MACROD2: variants seen among roughly 807,000 people sequenced by gnomAD.
MACROD2 encodes ADP-ribose glycohydrolase MACROD2.
MACROD2 carries 36 observed loss-of-function variants against 70.4 expected under a neutral mutation model. The ratio of observed to expected loss-of-function variants is 0.51; its 90% confidence interval spans 0.39 to 0.68. The LOEUF is 0.68. MACROD2 is among the 30% of genes least tolerant of loss of function. The probability of loss-of-function intolerance (pLI) is 0.00; values close to 1 mark genes in which losing one functional copy is unlikely to be tolerated. For synonymous variants in MACROD2, 172 were observed against 178.8 expected (o/e 0.96, Z 0.30); for missense variants, 496 against 538.4 (o/e 0.92, Z 0.78).
chr20:15,537,901 A>T (rs2047898730), intron 8 of MACROD2, among the ~76,000 whole-genome samples: 1 of 152,130 alleles, frequency 6.6e-6, no homozygotes, highest in Non-Finnish European at 1.5e-5. Flanking sequence ...TAGAGTAATT[A>T]TTTGATTAAT....
intron 5 of MACROD2, among the ~76,000 whole-genome samples, chr20:14,975,268 A>G (rs1289412715): frequency 6.6e-6 from 1 of 152,188 alleles, no homozygotes; most frequent in Non-Finnish European, 1.5e-5. Flanking sequence ...AAGAACCAGC[A>G]GGCTGAGAGG....
chr20:15,448,186 T>G (rs2046595124), intron 7 of MACROD2, among the ~76,000 whole-genome samples: 1 of 152,078 alleles, frequency 6.6e-6, no homozygotes, highest in South Asian at 2.1e-4. Context: ...AACATTTTTC[T>G]TAGGATGAAG....
At chr20:15,075,845 C>G (rs1282905619) in intron 5 of MACROD2, among the ~76,000 whole-genome samples, 1 of 152,098 alleles carries the variant, frequency 6.6e-6, no homozygotes, top group Non-Finnish European at 1.5e-5. Flanking sequence ...CAAAGACACC[C>G]TCCATGAGCG....
chr20:15,099,889 G>A (rs1356207074), intron 5 of MACROD2, among the ~76,000 whole-genome samples: 3 of 151,720 alleles, frequency 2.0e-5, no homozygotes, highest in African/African-American at 7.3e-5. Context: ...GGTCTCAGAT[G>A]GAAATGAGAA....
chr20:15,164,544 T>A (rs971407916), intron 5 of MACROD2, among the ~76,000 whole-genome samples: 4 of 152,144 alleles, frequency 2.6e-5, no homozygotes, highest in African/African-American at 9.6e-5. Context: ...TATGTTTAAT[T>A]TTACATGCTA....
intron 12 of MACROD2, among the ~76,000 whole-genome samples, chr20:15,953,655 G>A (rs930330768): frequency 6.6e-6 from 1 of 152,098 alleles, no homozygotes; most frequent in African/African-American, 2.4e-5. Flanking sequence ...CTGTTTTCAA[G>A]GAAAATAGTA....
At chr20:15,187,346 C>A (rs972898413) in intron 5 of MACROD2, among the ~76,000 whole-genome samples, 1 of 151,940 alleles carries the variant, frequency 6.6e-6, no homozygotes, top group Non-Finnish European at 1.5e-5. Flanking sequence ...CTTGAACACA[C>A]AAAAAAGTAA....
chr20:14,277,576 G>T (rs1247914192), intron 3 of MACROD2, among the ~76,000 whole-genome samples: 1 of 152,196 alleles, frequency 6.6e-6, no homozygotes, highest in Non-Finnish European at 1.5e-5. Flanking sequence ...ATTAACTAAT[G>T]AAACATGGTG....
At chr20:15,306,007 T>C (rs1478809377) in intron 6 of MACROD2, among the ~76,000 whole-genome samples, 2 of 152,236 alleles carry the variant, frequency 1.3e-5, no homozygotes, top group Non-Finnish European at 2.9e-5. Flanking sequence ...GCCTCATTCT[T>C]CTTAATTGCT....
chr20:14,312,050 A>G (rs1257725092), intron 3 of MACROD2, among the ~76,000 whole-genome samples: 1 of 152,148 alleles, frequency 6.6e-6, no homozygotes, highest in African/African-American at 2.4e-5. Context: ...TCATTACATA[A>G]TATTTATAAT....
chr20:15,907,340 T>A (rs1288922505), intron 10 of MACROD2, among the ~76,000 whole-genome samples: 2 of 152,280 alleles, frequency 1.3e-5, no homozygotes, highest in East Asian at 3.9e-4. Flanking sequence ...GCCAGAATGG[T>A]TTTCTTATAG....
intron 12 of MACROD2, among the ~76,000 whole-genome samples, chr20:15,945,706 C>T (rs985962251): frequency 1.3e-5 from 2 of 152,134 alleles, no homozygotes; most frequent in African/African-American, 4.8e-5. Context: ...TTTAAAAAGT[C>T]ATCAGTGTTA....
At chr20:15,939,357 A>G (rs1452374206) in intron 12 of MACROD2, among the ~76,000 whole-genome samples, 1 of 152,158 alleles carries the variant, frequency 6.6e-6, no homozygotes, top group Non-Finnish European at 1.5e-5. Flanking sequence ...GTTGAAGACA[A>G]TGCTCATTTA....
At chr20:15,719,858 T>C (rs1421631506) in intron 8 of MACROD2, among the ~76,000 whole-genome samples, 2 of 152,154 alleles carry the variant, frequency 1.3e-5, no homozygotes, top group East Asian at 3.9e-4. Context: ...TTTTAATTAC[T>C]ACAGTCACTC....
At chr20:15,865,470 GT>G (rs2064479439) in intron 9 of MACROD2, among the ~76,000 whole-genome samples, 1 of 152,018 alleles carries the variant, frequency 6.6e-6, no homozygotes, top group Non-Finnish European at 1.5e-5. Context: ...CTTTACATGG[GT>G]AAATCACTAA....
intron 3 of MACROD2, among the ~76,000 whole-genome samples, chr20:14,461,348 C>T (rs1222406838): frequency 6.6e-6 from 1 of 151,840 alleles, no homozygotes; most frequent in Non-Finnish European, 1.5e-5. Flanking sequence ...AGTGGTTTAT[C>T]TATTTTGTTA....
chr20:15,336,029 C>T (rs2078044606), intron 6 of MACROD2, among the ~76,000 whole-genome samples: 3 of 151,668 alleles, frequency 2.0e-5, no homozygotes, highest in African/African-American at 4.9e-5. Flanking sequence ...TGAACCCCAC[C>T]CTTTCACCAA....
intron 5 of MACROD2, among the ~76,000 whole-genome samples, chr20:14,956,867 A>T (rs2074541313): frequency 6.6e-6 from 1 of 152,160 alleles, no homozygotes; most frequent in Non-Finnish European, 1.5e-5. Flanking sequence ...TCAGCAGTGA[A>T]ATTAGGTGAG....
chr20:14,826,358 A>G (rs2072902910), intron 5 of MACROD2, among the ~76,000 whole-genome samples: 1 of 152,072 alleles, frequency 6.6e-6, no homozygotes, highest in Non-Finnish European at 1.5e-5. Flanking sequence ...ATTGTATATC[A>G]GGCTAATGTC....
Sources: allele counts gnomAD v4.1 joint callset (sites outside exome capture counted in the v4.1 genomes callset), GRCh38; gene constraint gnomAD v4.1.1; transcripts MANE v1.5; gene names NCBI Gene and HGNC (gene_info 2026-07-23, HGNC 2026-07-21).